The following ANKRD29 variants were observed in gnomAD, a reference collection of about 807,000 sequenced individuals.
ANKRD29 encodes ankyrin repeat domain-containing protein 29.
In ANKRD29, 32 loss-of-function variants were observed where a neutral mutation model predicts 38.0. That is an observed-to-expected ratio of 0.84 (90% CI 0.64 to 1.13). The LOEUF is 1.13. ANKRD29 is among the 50% of genes most tolerant of loss of function. The pLI is 0.00. For synonymous variants in ANKRD29, 135 were observed against 152.4 expected, an observed-to-expected ratio of 0.89 and a Z score of 0.84; for missense variants, 357 against 377.9, an observed-to-expected ratio of 0.94 and a Z score of 0.46.
In ANKRD29 at chr18:23,638,846, CA is replaced by C; in HGVS notation, c.330+2del. On this transcript the variant is annotated splice_donor_variant, in intron 4 of 9. Transcript: ENST00000592179. LOFTEE classifies it high-confidence loss of function. The stretch of plus-strand genomic sequence containing the variant: ...TAATACAAAATCAAGAAGGTTATCT[CA>C]CTTTGGTCCTAAATTCAGTGGATGC... 6.2e-7 allele frequency: 1 copy of C among 1,604,626 alleles called. No individual in the cohort carries two copies. The highest frequency in any genetic ancestry group is 8.5e-7 in the Non-Finnish European group (1 of 1,176,498).
intron 5 of ANKRD29, among the ~76,000 whole-genome samples, chr18:23,631,857 G>A (rs1320148473): frequency 6.6e-6 from 1 of 152,118 alleles, no homozygotes; most frequent in Non-Finnish European, 1.5e-5. Context: ...CATGATCCCC[G>A]GATGCTCCCT....
At chr18:23,613,465 C>A (rs553902370) in intron 8 of ANKRD29, among the ~76,000 whole-genome samples, 1 of 152,086 alleles carries the variant, frequency 6.6e-6, no homozygotes, top group East Asian at 1.9e-4. Flanking sequence ...AGCCACCATG[C>A]CTGACCAGGA....
chr18:23,634,798 A>G (rs1313587681), intron 4 of ANKRD29, among the ~76,000 whole-genome samples: 12 of 152,200 alleles, frequency 7.9e-5, no homozygotes, highest in Non-Finnish European at 1.8e-4. Flanking sequence ...CACAGAAGAG[A>G]AAGTCTTGTC....
chr18:23,660,702 G>A (rs936817187), intron 1 of ANKRD29, among the ~76,000 whole-genome samples: 4 of 152,194 alleles, frequency 2.6e-5, no homozygotes, highest in African/African-American at 9.7e-5. Flanking sequence ...AGCTACTCAG[G>A]AGGCTGAGCC....
chr18:23,623,683 C>T (rs1369748053), intron 6 of ANKRD29, among the ~76,000 whole-genome samples: 3 of 151,848 alleles, frequency 2.0e-5, no homozygotes, highest in African/African-American at 7.3e-5. Context: ...TGCTCTGTCG[C>T]CCAGGCTGGA....
At chr18:23,640,538 T>G (rs898565517) in intron 3 of ANKRD29, among the ~76,000 whole-genome samples, 2 of 152,050 alleles carry the variant, frequency 1.3e-5, no homozygotes, top group Non-Finnish European at 2.9e-5. Flanking sequence ...AAGCCCAGAG[T>G]CAAAATGAGC....
At chr18:23,658,458 A>G (rs2060312654) in intron 1 of ANKRD29, among the ~76,000 whole-genome samples, 1 of 152,234 alleles carries the variant, frequency 6.6e-6, no homozygotes, top group Non-Finnish European at 1.5e-5. Flanking sequence ...GCTCACAGCT[A>G]GAGAAGAATT....
chr18:23,651,903 C>G (rs1478639933), intron 1 of ANKRD29, among the ~76,000 whole-genome samples: 1 of 152,206 alleles, frequency 6.6e-6, no homozygotes, highest in East Asian at 1.9e-4. Flanking sequence ...TTTTAAGGAG[C>G]TAAACTCCAC....
chr18:23,639,205 A>G (rs905048150), intron 3 of ANKRD29, among the ~76,000 whole-genome samples: 1 of 152,172 alleles, frequency 6.6e-6, no homozygotes, highest in Admixed American at 6.5e-5. Context: ...ATTACCTTCT[A>G]TGGCAAAAGA....
intron 7 of ANKRD29, 86 bp from the exon 8 acceptor site, chr18:23,617,913 G>A (rs532536199): frequency 2.2e-4 from 230 of 1,053,288 alleles, no homozygotes; most frequent in Middle Eastern, 9.2e-4. Flanking sequence ...GGAAAGTACC[G>A]TTGTCAGAAA....
intron 3 of ANKRD29, among the ~76,000 whole-genome samples, chr18:23,644,509 T>A (rs2060114886): frequency 1.3e-5 from 2 of 152,164 alleles, no homozygotes; most frequent in Non-Finnish European, 2.9e-5. Context: ...AACGATCTAG[T>A]GTTATGGAAA....
chr18:23,631,017 G>A (rs1035497521), intron 5 of ANKRD29, among the ~76,000 whole-genome samples: 6 of 150,788 alleles, frequency 4.0e-5, no homozygotes, highest in East Asian at 2.0e-4. Context: ...AGTAAAAGGT[G>A]TCCTTTTAAT....
At chr18:23,652,767 T>C (rs757541779) in intron 1 of ANKRD29, among the ~76,000 whole-genome samples, 2 of 152,244 alleles carry the variant, frequency 1.3e-5, no homozygotes, top group Non-Finnish European at 2.9e-5. Flanking sequence ...AAGGAGCTTC[T>C]CTCAGGCTTG....
intron 3 of ANKRD29, among the ~76,000 whole-genome samples, chr18:23,644,189 C>T (rs1193307009): frequency 6.6e-6 from 1 of 152,192 alleles, no homozygotes; most frequent in Admixed American, 6.5e-5. Context: ...AAATATAAAA[C>T]CATAGAAACC....
intron 3 of ANKRD29, among the ~76,000 whole-genome samples, chr18:23,644,688 GGT>G (rs2060116906): frequency 6.6e-6 from 1 of 152,186 alleles, no homozygotes. Flanking sequence ...CCAGACGGGT[GGT>G]GGGAAGGACA....
At chr18:23,630,135 A>C (rs1444071302) in intron 5 of ANKRD29, among the ~76,000 whole-genome samples, 184 bp from the exon 6 acceptor site, 3 of 152,180 alleles carry the variant, frequency 2.0e-5, no homozygotes, top group African/African-American at 7.2e-5. Flanking sequence ...CTAAAAACAC[A>C]AAAATTAGGC....
intron 6 of ANKRD29, 93 bp downstream of exon 6, chr18:23,629,760 A>T: frequency 1.0e-6 from 1 of 965,624 alleles, no homozygotes; most frequent in Non-Finnish European, 1.6e-6. Context: ...CCTTGAGCTT[A>T]CTGGTTATCT....
chr18:23,633,162 C>T (rs1279699920), intron 5 of ANKRD29, among the ~76,000 whole-genome samples: 1 of 152,138 alleles, frequency 6.6e-6, no homozygotes, highest in African/African-American at 2.4e-5. Flanking sequence ...GGCATTATAG[C>T]GACAATCAAT....
In ANKRD29 at chr18:23,619,577, A is replaced by AC. The variant is rs2059770025; in HGVS notation, c.580dup (p.Val194GlyfsTer31). 1 of 1,597,660 alleles carries AC rather than the reference A, an allele frequency of 6.3e-7. No individual in the cohort carries two copies. Among genetic ancestry groups the AC allele is most frequent in the Non-Finnish European group, 8.5e-7 (1 of 1,179,126 alleles). ...GGCTCCGCGCAGCAGCATCACCCGCACCACCTCGCTGTGGCCCATCTGGGA... is the reference window on the plus strand; with the variant it reads ...GGCTCCGCGCAGCAGCATCACCCGCACCCACCTCGCTGTGGCCCATCTGGGA... On this transcript the variant is annotated frameshift_variant, in exon 7 of 10. Coordinates refer to ENST00000592179, the MANE Select transcript of ANKRD29 (RefSeq NM_173505.4). LOFTEE classifies it high-confidence loss of function.
Sources: gnomAD v4.1 joint callset for allele counts (sites outside exome capture counted in the v4.1 genomes callset) on GRCh38, gnomAD v4.1.1 for gene constraint, MANE v1.5 for transcripts, NCBI Gene and HGNC (gene_info 2026-07-23, HGNC 2026-07-21) for gene names.